The following ITFG1 variants were observed in gnomAD, a reference collection of about 807,000 sequenced individuals.
The protein encoded by ITFG1 is T-cell immunomodulatory protein.
Under a neutral mutation model 81.8 loss-of-function variants are expected in ITFG1, and 34 were observed. That is an observed-to-expected ratio of 0.42 (90% CI 0.32 to 0.55). ITFG1 has a LOEUF of 0.55. Among genes scored for constraint, ITFG1 ranks in the 20% least tolerant of loss-of-function variants. ITFG1 has a pLI of 0.17. For synonymous variants in ITFG1, 285 were observed against 270.6 expected (o/e 1.05, Z -0.52); for missense variants, 672 against 755.4 (o/e 0.89, Z 1.29).
At chr16:47,330,388 G>T (rs1428485609) in intron 8 of ITFG1, among the ~76,000 whole-genome samples, 15 of 151,896 alleles carry the variant, frequency 9.9e-5, no homozygotes, top group Admixed American at 9.2e-4. Context: ...CCTAGGAAAA[G>T]AATTTATGAC....
At chr16:47,337,002 G>T (rs1308075853) in intron 8 of ITFG1, among the ~76,000 whole-genome samples, 8 of 151,234 alleles carry the variant, frequency 5.3e-5, no homozygotes, top group African/African-American at 1.9e-4. Context: ...GGGTACAGTG[G>T]CTCATGCCTG....
At chr16:47,369,674 T>A (rs1205222995) in intron 7 of ITFG1, among the ~76,000 whole-genome samples, 1 of 152,146 alleles carries the variant, frequency 6.6e-6, no homozygotes, top group East Asian at 1.9e-4. Flanking sequence ...TACTTTTTTT[T>A]ATACTGTACT....
intron 12 of ITFG1, among the ~76,000 whole-genome samples, chr16:47,255,552 A>G (rs924817286): frequency 1.3e-5 from 2 of 152,238 alleles, no homozygotes; most frequent in African/African-American, 4.8e-5. Flanking sequence ...TGCTTCTTAG[A>G]GACACAGATG....
intron 11 of ITFG1, among the ~76,000 whole-genome samples, chr16:47,259,958 A>G (rs957268147): frequency 7.5e-6 from 1 of 133,056 alleles, no homozygotes; most frequent in African/African-American, 2.8e-5. Context: ...TTTTTTTTTG[A>G]GACGGAGTCT....
intron 8 of ITFG1, among the ~76,000 whole-genome samples, chr16:47,356,854 G>C (rs913681431): frequency 6.6e-6 from 1 of 152,130 alleles, no homozygotes; most frequent in Admixed American, 6.6e-5. Flanking sequence ...CTGCCTAGGA[G>C]TGGCATTAGG....
chr16:47,204,371 G>C (rs867872423), intron 14 of ITFG1, among the ~76,000 whole-genome samples: 4 of 152,124 alleles, frequency 2.6e-5, no homozygotes, highest in African/African-American at 9.7e-5. Context: ...GACTCCAACA[G>C]GTACCTTAAA....
chr16:47,442,469 C>T (rs1188804273), intron 5 of ITFG1, among the ~76,000 whole-genome samples: 1 of 152,140 alleles, frequency 6.6e-6, no homozygotes, highest in Non-Finnish European at 1.5e-5. Flanking sequence ...AAGAACAAAG[C>T]TGGAGGCATC....
At chr16:47,237,331 G>A (rs1596826095) in intron 13 of ITFG1, among the ~76,000 whole-genome samples, 1 of 152,256 alleles carries the variant, frequency 6.6e-6, no homozygotes, top group East Asian at 1.9e-4. Context: ...ACTTCTCTGA[G>A]TCTCAGTTTC....
intron 5 of ITFG1, chr16:47,448,663 G>A (rs1407393826): frequency 9.7e-6 from 1 of 103,554 alleles, no homozygotes; most frequent in Non-Finnish European, 1.9e-5. Flanking sequence ...CATTATATTT[G>A]GTTTTGACTA....
intron 10 of ITFG1, among the ~76,000 whole-genome samples, chr16:47,268,545 A>G (rs947827240): frequency 6.6e-6 from 1 of 152,250 alleles, no homozygotes; most frequent in Admixed American, 6.5e-5. Flanking sequence ...AAGACATCAT[A>G]AGAAAACTAC....
At chr16:47,179,520 T>C (rs1239490917) in intron 14 of ITFG1, among the ~76,000 whole-genome samples, 1 of 152,212 alleles carries the variant, frequency 6.6e-6, no homozygotes, top group Admixed American at 6.5e-5. Context: ...TGAAATGTTC[T>C]AGAGCTGATT....
intron 7 of ITFG1, among the ~76,000 whole-genome samples, chr16:47,371,742 G>A (rs575014639): frequency 2.6e-5 from 4 of 152,226 alleles, no homozygotes; most frequent in South Asian, 4.1e-4. Flanking sequence ...TGTCACAAGT[G>A]GGAGGTGGTT....
intron 5 of ITFG1, among the ~76,000 whole-genome samples, chr16:47,433,267 G>T (rs1352319976): frequency 1.3e-5 from 2 of 152,106 alleles, no homozygotes; most frequent in Non-Finnish European, 2.9e-5. Flanking sequence ...TGTTTTATTG[G>T]GCCCATATAC....
At position 47,323,275 on chromosome 16, in the gene ITFG1, C is replaced by A. The variant is rs528235140; in HGVS notation, c.803-9452G>T. 6.6e-5 allele frequency among the ~76,000 whole-genome samples: 10 copies of A among 152,120 alleles called. No individual in the cohort carries two copies. The East Asian group carries it at 1.9e-3, about 29-fold the overall frequency. ...TTAATGAATTCATGGGTGATCATGG[C>A]AAAGAACATGGGTTATCATGGGAGG... On this transcript the variant is annotated intron_variant, in intron 8 of 17. Coordinates refer to ENST00000320640, the MANE Select transcript of ITFG1 (RefSeq NM_030790.5).
intron 14 of ITFG1, among the ~76,000 whole-genome samples, chr16:47,207,498 G>T (rs1296799107): frequency 6.6e-6 from 1 of 152,170 alleles, no homozygotes; most frequent in African/African-American, 2.4e-5. Flanking sequence ...GAGTGTTGTG[G>T]TTTTCAAAAA....
intron 5 of ITFG1, among the ~76,000 whole-genome samples, chr16:47,430,693 TCA>T (rs1335331223): frequency 6.6e-6 from 1 of 152,180 alleles, no homozygotes; most frequent in African/African-American, 2.4e-5. Flanking sequence ...AGTCCCTACT[TCA>T]CACTACATAC....
intron 6 of ITFG1, among the ~76,000 whole-genome samples, chr16:47,392,025 G>T (rs1847553374): frequency 6.6e-6 from 1 of 152,128 alleles, no homozygotes; most frequent in African/African-American, 2.4e-5. Flanking sequence ...AGTAAAATAG[G>T]TCACACTAAA....
At chr16:47,347,761 GACCCCCAAGTAGCCTATCTGGGAGGC>G (rs1271682959) in intron 8 of ITFG1, among the ~76,000 whole-genome samples, 5 of 152,232 alleles carry the variant, frequency 3.3e-5, no homozygotes, top group Non-Finnish European at 5.9e-5. Flanking sequence ...GTGGGTCTCT[GACCCCCAAGTAGCCTATCTGGGAGGC>G]ACCCCCAAGT....
intron 8 of ITFG1, among the ~76,000 whole-genome samples, chr16:47,346,003 C>A (rs1339411320): frequency 6.6e-6 from 1 of 152,200 alleles, no homozygotes; most frequent in Non-Finnish European, 1.5e-5. Context: ...AATTGAACTT[C>A]ACTTAGAACA....
Sources: allele counts gnomAD v4.1 joint callset (sites outside exome capture counted in the v4.1 genomes callset), GRCh38; gene constraint gnomAD v4.1.1; transcripts MANE v1.5; gene names NCBI Gene and HGNC (gene_info 2026-07-23, HGNC 2026-07-21).